MRS2: variants seen among roughly 807,000 people sequenced by gnomAD.
MRS2 encodes the protein magnesium transporter MRS2 homolog, mitochondrial.
MRS2 carries 40 observed loss-of-function variants against 52.6 expected under a neutral mutation model. The observed-to-expected ratio is 0.76, with a 90% CI of 0.59 to 0.99. The LOEUF (loss-of-function observed/expected upper bound fraction) is 0.99, where lower values mean the gene tolerates loss of function less well. Ranked by LOEUF, MRS2 falls within the 50% of genes least tolerant of loss-of-function variation. The pLI is 0.00. For synonymous variants in MRS2, 193 were observed against 195.9 expected, an observed-to-expected ratio of 0.98 and a Z score of 0.13; for missense variants, 472 against 532.7, an observed-to-expected ratio of 0.89 and a Z score of 1.12.
intron 1 of MRS2, among the ~76,000 whole-genome samples, chr6:24,404,383 A>G (rs1761391596): frequency 6.6e-6 from 1 of 152,230 alleles, no homozygotes; most frequent in African/African-American, 2.4e-5. Context: ...GATAATTTGT[A>G]TTTTGTAAAA....
chr6:24,422,993 C>A lies in MRS2; in HGVS notation c.1164C>A (p.Ile388=). 1 of 1,614,114 alleles carries A rather than the reference C, an allele frequency of 6.2e-7. No homozygotes were observed. Among genetic ancestry groups the A allele is most frequent in the East Asian group, 2.2e-5 (1 of 44,876 alleles). Residue 388 remains isoleucine (I), a synonymous_variant, in exon 10 of 11, where the codon ATC becomes ATA. Coordinates refer to ENST00000378386, the MANE Select transcript of MRS2 (RefSeq NM_020662.4). The part of the protein sequence containing the change: ...TGIMFMGSGL[I]WRRLLSFLGR... ...TTATGTTCATGGGAAGTGGCCTCAT[C>A]TGGAGGCGCCTGCTTTCATTCCTTG...
In MRS2 at chr6:24,423,995, C is replaced by T. The variant is rs989088736; in HGVS notation, c.*301C>T. 15 of 172,800 alleles carry T rather than the reference C, an allele frequency of 8.7e-5. No individual in the cohort carries two copies. The highest frequency in any genetic ancestry group is 1.2e-5 in the Non-Finnish European group (1 of 80,844). The allele number at this position is 172,800 out of a possible 1,614,324, so 10.7% of individuals were successfully genotyped here. A position where few individuals can be genotyped will look rare whatever the true frequency, so the allele number is the denominator to read the frequency against. Reference sequence around the variant, plus strand: ...ACAGTTGCATAGATTTTAATTTATACATATCAAGAAAAGTGCAATTTCATG... The same window carrying T: ...ACAGTTGCATAGATTTTAATTTATATATATCAAGAAAAGTGCAATTTCATG... On this transcript the variant is annotated 3_prime_UTR_variant, in exon 11 of 11. Transcript: ENST00000378386.
At chr6:24,405,087 C>A in intron 1 of MRS2, 81 bp from the exon 2 acceptor site, 1 of 944,082 alleles carries the variant, frequency 1.1e-6, no homozygotes, top group Non-Finnish European at 1.7e-6. Flanking sequence ...TGAAGGCCTC[C>A]ACATACTTTG....
intron 9 of MRS2, among the ~76,000 whole-genome samples, chr6:24,420,766 A>C (rs376836361): frequency 6.6e-6 from 1 of 152,144 alleles, no homozygotes; most frequent in African/African-American, 2.4e-5. Flanking sequence ...AGTAGAGGGA[A>C]CCACAGAAGT....
At chr6:24,422,814 C>T (rs1762092436) in intron 9 of MRS2, 123 bp from the exon 10 acceptor site, 1 of 551,266 alleles carries the variant, frequency 1.8e-6, no homozygotes, top group Non-Finnish European at 3.2e-6. Context: ...TTCTTAGTTC[C>T]TTTCTACAGG....
In MRS2 at chr6:24,423,612, T is replaced by C. The variant is rs150933222; in HGVS notation, c.1250T>C (p.Leu417Pro). Residue 417 changes from leucine (L) to proline (P), a missense_variant, in exon 11 of 11, where the codon CTG becomes CCG. Leu to Pro is a moderately conservative substitution (Grantham distance 98, BLOSUM62 -3). Coordinates refer to ENST00000378386, the MANE Select transcript of MRS2 (RefSeq NM_020662.4). Reference sequence around the variant, plus strand: ...GCTTCTTTACCTAAAAAGACTCTTCTGGCAGATAGAAGCATGGAATTGAAA... The same window carrying C: ...GCTTCTTTACCTAAAAAGACTCTTCCGGCAGATAGAAGCATGGAATTGAAA... ...MMASLPKKTL[L>P]ADRSMELKNS... 2.9e-5 allele frequency: 47 copies of C among 1,609,958 alleles called. No individual in the cohort carries two copies. In the African/African-American group the frequency reaches 3.5e-4, roughly 12 times the overall value.
Position 24,407,301 on chromosome 6 carries a change from T to G in MRS2, c.265-1107T>G, listed in dbSNP as rs1361173768. 2.0e-5 allele frequency among the ~76,000 whole-genome samples: 3 copies of G among 152,240 alleles called. No individual in the cohort carries two copies. The East Asian group carries it at 5.8e-4, about 29-fold the overall frequency. On this transcript the variant is annotated intron_variant, in intron 2 of 10. Coordinates refer to ENST00000378386, the MANE Select transcript of MRS2 (RefSeq NM_020662.4). ...AAGCTTTCTTTGATATAAATTTTCC[T>G]TTAATGTTCTATGGAACTTATATAT...
intron 9 of MRS2, among the ~76,000 whole-genome samples, chr6:24,421,770 G>A (rs963544585): frequency 1.3e-5 from 2 of 152,200 alleles, no homozygotes; most frequent in South Asian, 2.1e-4. Flanking sequence ...TAATACTGAA[G>A]TTATTTTCCA....
chr6:24,410,822 C>A, intron 4 of MRS2: 1 of 1,236,760 alleles, frequency 8.1e-7, no homozygotes, highest in Non-Finnish European at 1.1e-6. Flanking sequence ...GCAAATTCAG[C>A]AGAATGATAA....
intron 9 of MRS2, among the ~76,000 whole-genome samples, chr6:24,421,072 A>C (rs925577926): frequency 6.6e-6 from 1 of 152,200 alleles, no homozygotes; most frequent in Admixed American, 6.5e-5. Context: ...CAGATTCCCT[A>C]AGTGTGACTA....
intron 7 of MRS2, 96 bp downstream of exon 7, chr6:24,416,609 T>C: frequency 1.3e-6 from 1 of 748,110 alleles, no homozygotes. Flanking sequence ...TGTAACATTT[T>C]TCTGGACTAC....
chr6:24,412,128 TATATATATGTATGTATAC>T (rs933727944), intron 4 of MRS2, 76 bp from the exon 5 acceptor site: 10 of 605,718 alleles, frequency 1.7e-5, no homozygotes, highest in African/African-American at 7.8e-5. Flanking sequence ...ACAATTTGCA[TATATATATGTATGTATAC>T]ATATATATGT....
intron 1 of MRS2, among the ~76,000 whole-genome samples, chr6:24,404,821 AAAGG>A (rs1761408276): frequency 6.6e-6 from 1 of 152,244 alleles, no homozygotes; most frequent in Non-Finnish European, 1.5e-5. Context: ...AATTATGCGA[AAAGG>A]AAGACCAGAC....
At position 24,418,083 on chromosome 6, in the gene MRS2, G is replaced by A. The variant is rs1489277165; in HGVS notation, c.837-1G>A. 1.3e-6 allele frequency: 2 copies of A among 1,599,656 alleles called. No individual in the cohort carries two copies. Among genetic ancestry groups the A allele is most frequent in the Non-Finnish European group, 1.7e-6 (2 of 1,176,084 alleles). ...TTAATTATTTTCTCTTTTAATTGAA[G>A]TGAAAAGAGCAGTGCTGGGATTGAC... is the stretch of plus-strand genomic sequence containing the variant. On this transcript the variant is annotated splice_acceptor_variant, in intron 7 of 10. Coordinates refer to ENST00000378386, the MANE Select transcript of MRS2 (RefSeq NM_020662.4). LOFTEE classifies it high-confidence loss of function.
rs1762207322 is a variant in MRS2, at chr6:24,425,589, T to A, written c.*1895T>A. The A allele has an allele frequency of 6.6e-6, 1 of 152,250 alleles. No individual in the cohort carries two copies. Among genetic ancestry groups the A allele is most frequent in the African/African-American group, 2.4e-5 (1 of 41,474 alleles). 9.4% of individuals were successfully genotyped at this position (152,250 alleles called of 1,614,324 possible). ...AATAAATCAGCTTATGCCAAAAATA[T>A]ATGAAGTTCCTTGGTTTTAAATTTT... On this transcript the variant is annotated 3_prime_UTR_variant, in exon 11 of 11. Coordinates refer to ENST00000378386, the MANE Select transcript of MRS2 (RefSeq NM_020662.4).
At chr6:24,404,835 C>T (rs971180980) in intron 1 of MRS2, among the ~76,000 whole-genome samples, 3 of 152,188 alleles carry the variant, frequency 2.0e-5, no homozygotes, top group Non-Finnish European at 2.9e-5. Context: ...GAAGACCAGA[C>T]ATTTTCTTAA....
At chr6:24,405,613 TG>T (rs1424558071) in intron 2 of MRS2, among the ~76,000 whole-genome samples, 69 of 149,362 alleles carry the variant, frequency 4.6e-4, no homozygotes, top group African/African-American at 1.6e-3. Context: ...TTCTCTGAAA[TG>T]GTTCGGGGGT....
rs778133613 is a variant in MRS2 at position 24,416,545 on chromosome 6, T to A, written c.836+32T>A. ...ATATAATTATACTTTGTTATTTATT[T>A]CCTTAGAGTAAATCTTTTGCCTTTT... On this transcript the variant is annotated intron_variant, in intron 7 of 10. Coordinates refer to ENST00000378386, the MANE Select transcript of MRS2 (RefSeq NM_020662.4). The A allele has an allele frequency of 3.6e-6, 4 of 1,102,844 alleles. No individual in the cohort carries two copies. In the Admixed American group the frequency reaches 8.2e-5, roughly 23 times the overall value. The allele number at this position is 1,102,844 out of a possible 1,614,324, so 68.3% of individuals were successfully genotyped here. A position where few individuals can be genotyped will look rare whatever the true frequency, so the allele number is the denominator to read the frequency against.
chr6:24,407,902 T>C (rs1487478894), intron 2 of MRS2, among the ~76,000 whole-genome samples: 1 of 152,204 alleles, frequency 6.6e-6, no homozygotes, highest in Non-Finnish European at 1.5e-5. Context: ...GAGATTCATC[T>C]TGGCTCGAAT....
Sources: gnomAD v4.1 joint callset for allele counts (sites outside exome capture counted in the v4.1 genomes callset) on GRCh38, gnomAD v4.1.1 for gene constraint, MANE v1.5 for transcripts, NCBI Gene and HGNC (gene_info 2026-07-23, HGNC 2026-07-21) for gene names.